The following NDST4 variants were observed in gnomAD, a reference collection of about 807,000 sequenced individuals.
NDST4 encodes N-heparan sulfate sulfotransferase 4.
Under a neutral mutation model 100.8 loss-of-function variants are expected in NDST4, and 63 were observed. That is an observed-to-expected ratio of 0.62 (90% CI 0.51 to 0.77). The LOEUF is 0.77. NDST4 is among the 30% of genes least tolerant of loss of function. NDST4 has a pLI of 0.00. For synonymous variants in NDST4, 377 were observed against 361.8 expected (o/e 1.04, Z -0.48); for missense variants, 943 against 1,018.4 (o/e 0.93, Z 1.01).
chr4:114,975,969 T>A (rs1322118456), intron 3 of NDST4, among the ~76,000 whole-genome samples: 1 of 152,092 alleles, frequency 6.6e-6, no homozygotes, highest in Non-Finnish European at 1.5e-5. Flanking sequence ...CTGCAAAACA[T>A]CCTTTTAAAA....
At chr4:114,930,364 A>G (rs1310336689) in intron 6 of NDST4, among the ~76,000 whole-genome samples, 2 of 152,142 alleles carry the variant, frequency 1.3e-5, no homozygotes, top group Non-Finnish European at 2.9e-5. Flanking sequence ...GGTGCCATTA[A>G]ACCCAACAGA....
rs190929392 is a variant in NDST4, at chr4:114,934,817, T to C, written c.1536+389A>G. ...TGTTAATTAGATTGATTTAATTATT[T>C]CACAATGTTTACATGTAACAAAGCA... On this transcript the variant is annotated intron_variant, in intron 6 of 13. Transcript: ENST00000264363. Among the ~76,000 whole-genome samples the C allele has an allele frequency of 3.6e-3, 542 of 152,202 alleles. 4 individuals are homozygous for C. Among genetic ancestry groups the C allele is most frequent in the African/African-American group, 0.012 (493 of 41,572 alleles).
intron 2 of NDST4, among the ~76,000 whole-genome samples, chr4:115,018,661 C>G (rs551299840): frequency 6.6e-6 from 1 of 151,932 alleles, no homozygotes; most frequent in Admixed American, 6.6e-5. Flanking sequence ...CTACCAGGAA[C>G]CATATTTAAG....
chr4:114,978,253 A>T (rs1377195832), intron 2 of NDST4, among the ~76,000 whole-genome samples: 1 of 152,016 alleles, frequency 6.6e-6, no homozygotes, highest in Non-Finnish European at 1.5e-5. Context: ...TCTGTTATGG[A>T]GACTAAGGAG....
chr4:114,922,588 C>G (rs929282700), intron 6 of NDST4, among the ~76,000 whole-genome samples: 2 of 152,110 alleles, frequency 1.3e-5, no homozygotes, highest in Non-Finnish European at 2.9e-5. Flanking sequence ...CAAACGTTCC[C>G]TCCTGCTCTG....
chr4:115,087,419 C>A, intron 1 of NDST4, among the ~76,000 whole-genome samples: 1 of 152,136 alleles, frequency 6.6e-6, no homozygotes, highest in Admixed American at 6.6e-5. Flanking sequence ...TCTCTTATTA[C>A]CAGCAAAAAC....
At chr4:114,884,377 T>C (rs1307451441) in intron 6 of NDST4, among the ~76,000 whole-genome samples, 1 of 152,160 alleles carries the variant, frequency 6.6e-6, no homozygotes, top group Non-Finnish European at 1.5e-5. Context: ...GAAACATCTA[T>C]AATCTTCTTA....
intron 2 of NDST4, among the ~76,000 whole-genome samples, chr4:114,995,889 G>A (rs148075199): frequency 4.0e-5 from 6 of 151,888 alleles, no homozygotes; most frequent in African/African-American, 1.2e-4. Context: ...CTTAAAATAG[G>A]GAGAAAAATA....
chr4:115,042,212 C>T (rs1441353350), intron 2 of NDST4, among the ~76,000 whole-genome samples: 1 of 152,010 alleles, frequency 6.6e-6, no homozygotes, highest in African/African-American at 2.4e-5. Context: ...TCATCTTGTC[C>T]CTGGATGTGA....
At position 115,096,181 on chromosome 4, in the gene NDST4, A is replaced by G. The variant is rs1026943197; in HGVS notation, c.-247+17263T>C. On this transcript the variant is annotated intron_variant, in intron 1 of 13. Transcript: ENST00000264363. Reference sequence around the variant, plus strand: ...CACCAAATCTACACTTGCAATTCTGATAATGGATAGAACATTACTCAACAC... The same window carrying G: ...CACCAAATCTACACTTGCAATTCTGGTAATGGATAGAACATTACTCAACAC... Among the ~76,000 whole-genome samples the G allele has an allele frequency of 8.4e-4, 67 of 79,336 alleles. 1 individual carries two copies. The highest frequency in any genetic ancestry group is 3.7e-3 in the African/African-American group (61 of 16,486). The allele number at this position is 79,336 out of a possible 152,430, so 52.0% of individuals were successfully genotyped here.
chr4:115,075,503 G>C (rs1223361492), intron 2 of NDST4, among the ~76,000 whole-genome samples: 1 of 152,060 alleles, frequency 6.6e-6, no homozygotes, highest in African/African-American at 2.4e-5. Context: ...AAGAGGCAAG[G>C]AGGCCGGGTG....
intron 4 of NDST4, among the ~76,000 whole-genome samples, chr4:114,948,175 G>A (rs1288603415): frequency 2.6e-5 from 4 of 151,780 alleles, no homozygotes; most frequent in African/African-American, 4.8e-5. Flanking sequence ...TTTCCCTTAC[G>A]AGGCATTTTC....
chr4:114,960,409 C>A (rs1377727431), intron 4 of NDST4, among the ~76,000 whole-genome samples: 2 of 151,804 alleles, frequency 1.3e-5, no homozygotes, highest in Non-Finnish European at 2.9e-5. Flanking sequence ...AGTTTGAGAC[C>A]AGCCTGGCCA....
At position 114,839,448 on chromosome 4, in the gene NDST4, C is replaced by G. The variant is rs78969123; in HGVS notation, c.2216G>C (p.Arg739Thr). Reference sequence around the variant, plus strand: ...ATACCATCCAGGTACTAGGCATCTTCTCTGCAAAGTTTTTAAGTCAGATGG... The same window carrying G: ...ATACCATCCAGGTACTAGGCATCTTGTCTGCAAAGTTTTTAAGTCAGATGG... ...WAPSDLKTLQ[R>T]RCLVPGWYAV... Residue 739 changes from arginine (R) to threonine (T), a missense_variant, in exon 11 of 14, where the codon AGA (arginine) becomes ACA (threonine). Arg to Thr is a moderately conservative substitution (Grantham distance 71). Coordinates refer to ENST00000264363, the MANE Select transcript of NDST4 (RefSeq NM_022569.3). The G allele has an allele frequency of 6.2e-7, 1 of 1,613,958 alleles. No homozygotes were observed. Among genetic ancestry groups the G allele is most frequent in the East Asian group, 2.2e-5 (1 of 44,854 alleles).
chr4:114,980,993 G>T (rs1481699749), intron 2 of NDST4, among the ~76,000 whole-genome samples: 2 of 151,842 alleles, frequency 1.3e-5, no homozygotes, highest in East Asian at 2.0e-4. Flanking sequence ...TGGGAGGATT[G>T]CTTGAGCTTA....
At chr4:114,960,637 C>T (rs1560831820) in intron 4 of NDST4, among the ~76,000 whole-genome samples, 1 of 152,092 alleles carries the variant, frequency 6.6e-6, no homozygotes. Context: ...TTTCTTTTCT[C>T]TTCTCATCAG....
intron 2 of NDST4, among the ~76,000 whole-genome samples, chr4:115,007,246 A>G (rs562860975): frequency 1.9e-4 from 29 of 152,290 alleles, no homozygotes; most frequent in African/African-American, 6.5e-4. Flanking sequence ...TGGAACCAGT[A>G]AACATGCAGC....
At chr4:114,980,256 T>A (rs1482433217) in intron 2 of NDST4, among the ~76,000 whole-genome samples, 6 of 152,224 alleles carry the variant, frequency 3.9e-5, no homozygotes, top group Non-Finnish European at 8.8e-5. Context: ...ATAAAGTTTC[T>A]CAATTTGGGA....
At chr4:114,919,923 T>C (rs1725253952) in intron 6 of NDST4, among the ~76,000 whole-genome samples, 1 of 152,154 alleles carries the variant, frequency 6.6e-6, no homozygotes, top group Admixed American at 6.6e-5. Flanking sequence ...TCAACAGATA[T>C]ATAATAGAAC....
Sources: gnomAD v4.1 joint callset for allele counts (sites outside exome capture counted in the v4.1 genomes callset) on GRCh38, gnomAD v4.1.1 for gene constraint, MANE v1.5 for transcripts, NCBI Gene and HGNC (gene_info 2026-07-23, HGNC 2026-07-21) for gene names.